The following KDM2B variants were observed in gnomAD, a reference collection of about 807,000 sequenced individuals.
The protein encoded by KDM2B is lysine-specific demethylase 2B.
Under a neutral mutation model 150.0 loss-of-function variants are expected in KDM2B, and 26 were observed. That is an observed-to-expected ratio of 0.17 (90% CI 0.13 to 0.24). The LOEUF (loss-of-function observed/expected upper bound fraction) is 0.24, where lower values mean the gene tolerates loss of function less well. KDM2B is among the 10% of genes least tolerant of loss of function. The probability of loss-of-function intolerance (pLI) is 1.00; values close to 1 mark genes in which losing one functional copy is unlikely to be tolerated. For synonymous variants in KDM2B, 734 were observed against 729.5 expected, an observed-to-expected ratio of 1.01 and a Z score of -0.10; for missense variants, 1,265 against 1,816.9, an observed-to-expected ratio of 0.70 and a Z score of 5.52.
intron 13 of KDM2B, among the ~76,000 whole-genome samples, chr12:121,448,144 C>A (rs1199800766): frequency 2.0e-5 from 3 of 151,508 alleles, no homozygotes; most frequent in Admixed American, 2.0e-4. Flanking sequence ...CGTGGCAAAA[C>A]CCTGTCTTTA....
At chr12:121,432,961 C>T (rs1300162952) in intron 22 of KDM2B, among the ~76,000 whole-genome samples, 11 of 152,360 alleles carry the variant, frequency 7.2e-5, no homozygotes, top group Middle Eastern at 6.8e-3. Context: ...TGGCACACTG[C>T]TGTGGCCTGT....
chr12:121,515,672 C>T (rs782669142), intron 9 of KDM2B, among the ~76,000 whole-genome samples: 15 of 151,658 alleles, frequency 9.9e-5, no homozygotes, highest in Non-Finnish European at 1.6e-4. Context: ...TCAAAGTGCC[C>T]GTCTGGAAAA....
At chr12:121,414,527 T>G in the KDM2B span, among the ~76,000 whole-genome samples, 1 of 152,182 alleles carries the variant, frequency 6.6e-6, no homozygotes, top group Non-Finnish European at 1.5e-5. Flanking sequence ...GAAAAAACCA[T>G]AGAAAGCAAT....
chr12:121,444,930 T>TG (rs1424377542), intron 14 of KDM2B: 5 of 405,950 alleles, frequency 1.2e-5, no homozygotes, highest in Admixed American at 3.9e-5. Flanking sequence ...GAGTGTGGTG[T>TG]GGGGCCTTGT....
At chr12:121,462,095 G>A (rs1251460701) in intron 12 of KDM2B, among the ~76,000 whole-genome samples, 1 of 152,220 alleles carries the variant, frequency 6.6e-6, no homozygotes, top group African/African-American at 2.4e-5. Flanking sequence ...ACATTACACG[G>A]ACAGCCCCAC....
the KDM2B span, among the ~76,000 whole-genome samples, chr12:121,415,819 C>T: frequency 6.9e-6 from 1 of 145,480 alleles, no homozygotes; most frequent in African/African-American, 2.5e-5. Flanking sequence ...AAATATACCA[C>T]AGGACAGACT....
At chr12:121,556,729 G>A (rs1402401035) in intron 4 of KDM2B, among the ~76,000 whole-genome samples, 2 of 151,858 alleles carry the variant, frequency 1.3e-5, no homozygotes, top group Non-Finnish European at 2.9e-5. Context: ...ATGCGCACCT[G>A]TAACCCCAGC....
At chr12:121,574,164 A>G (rs1286907784) in intron 4 of KDM2B, among the ~76,000 whole-genome samples, 2 of 152,158 alleles carry the variant, frequency 1.3e-5, no homozygotes, top group African/African-American at 4.8e-5. Flanking sequence ...TAGAACCCCA[A>G]GGAAGCAGGA....
At position 121,548,734 on chromosome 12, in the gene KDM2B, A is replaced by G. The variant is rs188541748; in HGVS notation, c.683+143T>C. 4.2e-4 allele frequency: 273 copies of G among 650,974 alleles called. 1 individual carries two copies. The African/African-American group carries it at 4.4e-3, about 10-fold the overall frequency. 40.3% of individuals were successfully genotyped at this position (650,974 alleles called of 1,614,324 possible). A position where few individuals can be genotyped will look rare whatever the true frequency, so the allele number is the denominator to read the frequency against. Reference sequence around the variant, plus strand: ...CCTCCTGTCCCAGCTGTGCCCCCACAGGCACAGTCCTTCAGTTCTGAACGG... The same window carrying G: ...CCTCCTGTCCCAGCTGTGCCCCCACGGGCACAGTCCTTCAGTTCTGAACGG... On this transcript the variant is annotated intron_variant, in intron 6 of 22. Coordinates refer to ENST00000377071, the MANE Select transcript of KDM2B (RefSeq NM_032590.5).
the KDM2B span, among the ~76,000 whole-genome samples, chr12:121,410,751 G>A: frequency 1.3e-5 from 2 of 152,136 alleles, no homozygotes; most frequent in African/African-American, 2.4e-5. Context: ...CTCATTGGAA[G>A]ATTTTGCCCA....
the KDM2B span, among the ~76,000 whole-genome samples, chr12:121,413,089 G>A: frequency 1.1e-3 from 159 of 151,220 alleles, no homozygotes; most frequent in South Asian, 0.024. Flanking sequence ...GCAATGGTGC[G>A]ATCTAGGCTC....
At chr12:121,478,103 C>A (rs1333753582) in intron 12 of KDM2B, among the ~76,000 whole-genome samples, 2 of 151,884 alleles carry the variant, frequency 1.3e-5, no homozygotes, top group Non-Finnish European at 2.9e-5. Context: ...GGATGGTCAA[C>A]AAATAACCCT....
intron 6 of KDM2B, among the ~76,000 whole-genome samples, chr12:121,544,114 CAAAAAA>C (rs57873693): frequency 2.3e-5 from 1 of 42,928 alleles, no homozygotes; most frequent in Non-Finnish European, 4.8e-5. Context: ...GACCCTGCCT[CAAAAAA>C]AAAAAAAAAA....
intron 22 of KDM2B, among the ~76,000 whole-genome samples, chr12:121,433,805 G>A (rs189055893): frequency 6.6e-6 from 1 of 152,206 alleles, no homozygotes; most frequent in Admixed American, 6.5e-5. Context: ...GAGCTAATCT[G>A]AAGCTGAGGT....
intron 9 of KDM2B, chr12:121,516,797 G>A: frequency 1.5e-6 from 1 of 672,576 alleles, no homozygotes. Context: ...AGAACTCCCA[G>A]GTCTCAAGGA....
intron 2 of KDM2B, 54 bp downstream of exon 2, chr12:121,578,748 C>T: frequency 1.5e-6 from 2 of 1,378,226 alleles, no homozygotes; most frequent in East Asian, 2.8e-5. Context: ...AGCTCCCTCC[C>T]CACGTGCGCT....
chr12:121,514,685 A>T (rs2140994886), intron 9 of KDM2B, among the ~76,000 whole-genome samples: 1 of 150,508 alleles, frequency 6.6e-6, no homozygotes, highest in African/African-American at 2.5e-5. Context: ...GAACAATTAC[A>T]TTCTCCCACC....
chr12:121,569,660 C>A (rs1201124253), intron 4 of KDM2B, among the ~76,000 whole-genome samples: 1 of 152,078 alleles, frequency 6.6e-6, no homozygotes, highest in Non-Finnish European at 1.5e-5. Context: ...GCTCAGAGAC[C>A]GAAATGGGCA....
intron 4 of KDM2B, among the ~76,000 whole-genome samples, chr12:121,572,176 C>A (rs1891148129): frequency 6.6e-6 from 1 of 152,108 alleles, no homozygotes; most frequent in Admixed American, 6.6e-5. Flanking sequence ...CTAGCTTGGA[C>A]AAAAGCACGA....
Sources: gnomAD v4.1 joint callset for allele counts (sites outside exome capture counted in the v4.1 genomes callset) on GRCh38, gnomAD v4.1.1 for gene constraint, MANE v1.5 for transcripts, NCBI Gene and HGNC (gene_info 2026-07-23, HGNC 2026-07-21) for gene names.